ASB14: variants seen among roughly 807,000 people sequenced by gnomAD.
The protein encoded by ASB14 is ankyrin repeat and SOCS box containing 14.
A neutral mutation model predicts 55.6 loss-of-function variants in ASB14; 63 were observed. The ratio of observed to expected loss-of-function variants is 1.13; its 90% CI spans 0.92 to 1.40. The LOEUF is 1.40. ASB14 is among the 40% of genes most tolerant of loss of function. The pLI, the probability that ASB14 is intolerant of heterozygous loss-of-function variation, is 0.00. For missense variants in ASB14, 724 were observed against 710.4 expected, an observed-to-expected ratio of 1.02 and a Z score of -0.22; for synonymous variants, 256 against 259.9, an observed-to-expected ratio of 0.98 and a Z score of 0.15.
At chr3:57,283,547 C>G (rs536520002) in intron 5 of ASB14, 108 bp from the exon 6 acceptor site, 2 of 1,149,342 alleles carry the variant, frequency 1.7e-6, no homozygotes, top group Admixed American at 2.2e-5. Flanking sequence ...CCACCCACTC[C>G]CAGACCCGAA....
At position 57,269,398 on chromosome 3, in the gene ASB14, A is replaced by G; in HGVS notation, c.*243T>C. Reference sequence around the variant, plus strand: ...TTTTGGTGTTGTATTGTTTGGGTGTAGCTTTTCTTTTTATCAAGTTGTCAG... The same window carrying G: ...TTTTGGTGTTGTATTGTTTGGGTGTGGCTTTTCTTTTTATCAAGTTGTCAG... On this transcript the variant is annotated 3_prime_UTR_variant, in exon 11 of 11. Transcript: ENST00000487349. 1 of 740,302 alleles carries G rather than the reference A, an allele frequency of 1.4e-6. No individual in the cohort carries two copies. The highest frequency in any genetic ancestry group is 2.0e-6 in the Non-Finnish European group (1 of 491,046). The allele number at this position is 740,302 out of a possible 1,614,324, so 45.9% of individuals were successfully genotyped here.
chr3:57,289,217 G>A, intron 2 of ASB14, 94 bp from the exon 3 acceptor site: 1 of 818,314 alleles, frequency 1.2e-6, no homozygotes, highest in Non-Finnish European at 2.0e-6. Context: ...GGTAGCAGTA[G>A]TTAATCCGGG....
At chr3:57,270,205 G>A (rs537093176) in intron 10 of ASB14, 1 of 152,786 alleles carries the variant, frequency 6.5e-6, no homozygotes, top group East Asian at 1.9e-4. Flanking sequence ...AAAATAATTA[G>A]AACAGAGATT....
chr3:57,278,976 T>G (rs752393454), intron 7 of ASB14, 56 bp from the exon 8 acceptor site: 1 of 1,512,640 alleles, frequency 6.6e-7, no homozygotes, highest in Non-Finnish European at 9.0e-7. Context: ...TAGCACTAAC[T>G]TGTTTATTAT....
At chr3:57,276,276 A>C (rs1316221917) in intron 10 of ASB14, among the ~76,000 whole-genome samples, 1 of 143,014 alleles carries the variant, frequency 7.0e-6, no homozygotes, top group East Asian at 2.0e-4. Context: ...GTTCAAAGCT[A>C]CTTTAAAAAA....
Position 57,287,962 on chromosome 3 carries a change from A to G in ASB14, c.408T>C (p.Leu136=). The change falls in exon 5 of 11, where the codon CTT becomes CTC. Residue 136 remains leucine (L), a synonymous_variant. Transcript: ENST00000487349. ...CATTTGGATTGCAGCCATTGAGAAG[A>G]AGAAAAGTGGCATTTTCTAAGAGGC... ...SSCLLENATF[L]LLNGCNPNAK... is the part of the protein sequence containing the mutation. 2 of 1,537,304 alleles carry G rather than the reference A, an allele frequency of 1.3e-6. No homozygotes were observed. The highest frequency in any genetic ancestry group is 1.7e-6 in the Non-Finnish European group (2 of 1,146,916).
At position 57,288,186 on chromosome 3, in the gene ASB14, T is replaced by C; in HGVS notation, c.279A>G (p.Leu93=). ...GGGTTATTTCCAAAATTTTCCTATT[T>C]AATTGCACTGCAGCCTTATGCAGAG... is the stretch of plus-strand genomic sequence containing the variant. ...WIPLHKAAVQ[L]NRKILEITLS... is the part of the protein sequence containing the mutation. The change falls in exon 4 of 11, where the codon TTA becomes TTG. Residue 93 remains leucine (L), a synonymous_variant. Transcript: ENST00000487349. The C allele has an allele frequency of 6.5e-7, 1 of 1,537,058 alleles. No homozygotes were observed. Among genetic ancestry groups the C allele is most frequent in the Non-Finnish European group, 8.7e-7 (1 of 1,146,668 alleles).
chr3:57,291,882 A>G (rs1257794097), intron 2 of ASB14, 30 bp downstream of exon 2: 1 of 1,506,248 alleles, frequency 6.6e-7, no homozygotes. Flanking sequence ...ACAACACTTA[A>G]TACTATATTG....
intron 3 of ASB14, 51 bp from the exon 4 acceptor site, chr3:57,288,337 A>C: frequency 6.6e-7 from 1 of 1,520,508 alleles, no homozygotes; most frequent in Non-Finnish European, 8.8e-7. Flanking sequence ...ACTTACAAGG[A>C]AGCCCATATT....
In ASB14 at chr3:57,269,937, T is replaced by C. The variant is rs550633840; in HGVS notation, c.*23-319A>G. ...ACCTGCTCATCTCCCTGAAGCAGACTGCTGAGGAATTACATTTGCTCAAGA... is the reference window on the plus strand; with the variant it reads ...ACCTGCTCATCTCCCTGAAGCAGACCGCTGAGGAATTACATTTGCTCAAGA... On this transcript the variant is annotated intron_variant, in intron 10 of 10. Transcript: ENST00000487349. 1.7e-5 allele frequency: 5 copies of C among 288,496 alleles called. No homozygotes were observed. In the East Asian group the frequency reaches 3.0e-4, roughly 18 times the overall value. The allele number at this position is 288,496 out of a possible 1,614,324, so 17.9% of individuals were successfully genotyped here.
chr3:57,269,353 T>A lies in ASB14; in HGVS notation c.*288A>T. 2.0e-6 allele frequency: 1 copy of A among 512,788 alleles called. No individual in the cohort carries two copies. The highest frequency in any genetic ancestry group is 4.0e-5 in the South Asian group (1 of 25,238). The allele number at this position is 512,788 out of a possible 1,614,324, so 31.8% of individuals were successfully genotyped here. A position where few individuals can be genotyped will look rare whatever the true frequency, so the allele number is the denominator to read the frequency against. The stretch of plus-strand genomic sequence containing the variant: ...ATTTTAGTTTGAATGCTGGCTTTTA[T>A]AGGATGGTGCCAAAATTCATTTTGG... On this transcript the variant is annotated 3_prime_UTR_variant, in exon 11 of 11. Coordinates refer to ENST00000487349, the MANE Select transcript of ASB14 (RefSeq NM_001142733.3).
chr3:57,268,656 T>C lies in ASB14; in HGVS notation c.*985A>G. 1.6e-6 allele frequency: 1 copy of C among 612,252 alleles called. No individual in the cohort carries two copies. Among genetic ancestry groups the C allele is most frequent in the Non-Finnish European group, 2.5e-6 (1 of 403,662 alleles). The allele number at this position is 612,252 out of a possible 1,614,324, so 37.9% of individuals were successfully genotyped here. A position where few individuals can be genotyped will look rare whatever the true frequency, so the allele number is the denominator to read the frequency against. On this transcript the variant is annotated 3_prime_UTR_variant, in exon 11 of 11. Transcript: ENST00000487349. Reference sequence around the variant, plus strand: ...GAAAAGGGTCACATCTGTTTTTTGATATGATGTTTACATTATAGTTACGTT... The same window carrying C: ...GAAAAGGGTCACATCTGTTTTTTGACATGATGTTTACATTATAGTTACGTT...
Position 57,283,449 on chromosome 3 carries a change from G to A in ASB14, c.470-10C>T, listed in dbSNP as rs775356033. 25 of 1,549,754 alleles carry A rather than the reference G, an allele frequency of 1.6e-5. No individual in the cohort carries two copies. Among genetic ancestry groups the A allele is most frequent in the South Asian group, 1.3e-4 (11 of 83,926 alleles). Reference sequence around the variant, plus strand: ...CAGTCACGCAGCACAGCTGGGAAATGAGAAGTGTGGTGGGCATGTTCAACG... The same window carrying A: ...CAGTCACGCAGCACAGCTGGGAAATAAGAAGTGTGGTGGGCATGTTCAACG... On this transcript the variant is annotated splice_polypyrimidine_tract_variant and intron_variant, in intron 5 of 10. Transcript: ENST00000487349.
chr3:57,279,258 GTTTTTCTTTT>G (rs1559521420), intron 7 of ASB14, among the ~76,000 whole-genome samples: 5 of 109,056 alleles, frequency 4.6e-5, no homozygotes, highest in Non-Finnish European at 7.3e-5. Flanking sequence ...TTGGTCAAGA[GTTTTTCTTTT>G]TTTTTTTTTT....
At chr3:57,269,972 G>C (rs928603819) in intron 10 of ASB14, 1 of 218,620 alleles carries the variant, frequency 4.6e-6, no homozygotes, top group East Asian at 9.8e-5. Flanking sequence ...AATTTTTTCC[G>C]TCAAATTGTG....
Position 57,283,422 on chromosome 3 carries a change from A to G in ASB14, c.487T>C (p.Tyr163His). ...TTGATCAGCAAGGCAGCCATGTCAT[A>G]GCAGTCACGCAGCACAGCTGGGAAA... Reference protein sequence around the residue: ...PLLAAVLRDCYDMAALLINYG... With the variant: ...PLLAAVLRDCHDMAALLINYG... The change falls in exon 6 of 11, where the codon TAT becomes CAT. Residue 163 changes from tyrosine to histidine, a missense_variant. By Grantham distance (83) the Tyr-to-His change is moderately conservative. Transcript: ENST00000487349. 1 of 1,551,588 alleles carries G rather than the reference A, an allele frequency of 6.4e-7. No homozygotes were observed. The highest frequency in any genetic ancestry group is 1.4e-5 in the African/African-American group (1 of 73,186).
At chr3:57,286,360 G>T (rs758616669) in intron 5 of ASB14, among the ~76,000 whole-genome samples, 6 of 149,916 alleles carry the variant, frequency 4.0e-5, no homozygotes, top group Non-Finnish European at 8.9e-5. Flanking sequence ...CCTCTGAGAT[G>T]ATCTTTAACA....
At chr3:57,280,163 C>CAAAAAAA (rs138493152) in intron 7 of ASB14, 139 bp downstream of exon 7, 38 of 215,802 alleles carry the variant, frequency 1.8e-4, no homozygotes, top group South Asian at 8.4e-4. Flanking sequence ...GACAGCATCT[C>CAAAAAAA]AAAAAAAAAA....
At chr3:57,276,222 T>A (rs2060985327) in intron 10 of ASB14, among the ~76,000 whole-genome samples, 1 of 150,712 alleles carries the variant, frequency 6.6e-6, no homozygotes, top group African/African-American at 2.5e-5. Flanking sequence ...TTTTTTTTTT[T>A]AACTGCCTAG....
Sources: gnomAD v4.1 joint callset for allele counts (sites outside exome capture counted in the v4.1 genomes callset) on GRCh38, gnomAD v4.1.1 for gene constraint, MANE v1.5 for transcripts, NCBI Gene and HGNC (gene_info 2026-07-23, HGNC 2026-07-21) for gene names.